The following GSE1 variants were observed in gnomAD, a reference collection of about 807,000 sequenced individuals.
GSE1 encodes genetic suppressor element 1.
GSE1 carries 32 observed loss-of-function variants against 112.6 expected under a neutral mutation model. The observed-to-expected ratio is 0.28, with a 90% confidence interval of 0.21 to 0.38. The LOEUF is 0.38. Ranked by LOEUF, GSE1 falls within the 10% of genes least tolerant of loss-of-function variation. The pLI, the probability that GSE1 is intolerant of heterozygous loss-of-function variation, is 1.00. For missense variants in GSE1, 2,348 were observed against 1,699.2 expected (o/e 1.38, Z -6.71); for synonymous variants, 1,115 against 735.6 (o/e 1.52, Z -8.35).
intron 1 of GSE1, among the ~76,000 whole-genome samples, chr16:85,566,462 T>G (rs2045751203): frequency 6.6e-6 from 1 of 152,242 alleles, no homozygotes; most frequent in African/African-American, 2.4e-5. Context: ...AAAGCCGAAC[T>G]GGGTGAACCC....
At chr16:85,175,441 G>A (rs982796853) in intron 1 of GSE1, among the ~76,000 whole-genome samples, 3 of 152,256 alleles carry the variant, frequency 2.0e-5, no homozygotes, top group African/African-American at 4.8e-5. Context: ...TCTTCATGCT[G>A]CTGGGAGTCG....
At chr16:85,337,548 G>A (rs867897360) in intron 1 of GSE1, among the ~76,000 whole-genome samples, 3 of 151,854 alleles carry the variant, frequency 2.0e-5, no homozygotes, top group East Asian at 1.9e-4. Context: ...CTCGTGATCC[G>A]CCCGCCTCGG....
intron 1 of GSE1, chr16:85,278,846 C>G (rs2044771137): frequency 1.5e-5 from 3 of 204,254 alleles, no homozygotes; most frequent in Non-Finnish European, 2.1e-5. Context: ...ACCAGCCTTC[C>G]TCATCTCCTC....
intron 2 of GSE1, among the ~76,000 whole-genome samples, chr16:85,378,106 G>A (rs570364214): frequency 8.5e-5 from 13 of 152,180 alleles, no homozygotes; most frequent in Admixed American, 1.3e-4. Context: ...GCCACCACCC[G>A]GTGCCAGGGC....
At chr16:85,314,103 C>G (rs959682603) in intron 1 of GSE1, among the ~76,000 whole-genome samples, 2 of 150,216 alleles carry the variant, frequency 1.3e-5, no homozygotes, top group Non-Finnish European at 3.0e-5. Flanking sequence ...TGACACAGCT[C>G]TGTGTGTGTG....
rs567991250 is a variant in GSE1, at chr16:85,596,383, C to T, written c.37+40020C>T. ...TAGACTCAAGCTTTCAGAGAGACTC[C>T]CATGACAGCAGCCGGGCACCTGGCT... On this transcript the variant is annotated intron_variant, in intron 1 of 2. Coordinates refer to the GSE1 transcript ENST00000635906. Among the ~76,000 whole-genome samples the T allele has an allele frequency of 3.9e-5, 6 of 152,302 alleles. No homozygotes were observed. The South Asian group carries it at 1.2e-3, about 32-fold the overall frequency.
At chr16:85,604,975 G>A (rs1248684777) in intron 1 of GSE1, among the ~76,000 whole-genome samples, 7 of 143,570 alleles carry the variant, frequency 4.9e-5, no homozygotes, top group African/African-American at 1.6e-4. Flanking sequence ...CCTCCACCAC[G>A]CCCGGCTAGT....
At chr16:85,639,219 G>T (rs1031626870) in intron 2 of GSE1, among the ~76,000 whole-genome samples, 1 of 152,194 alleles carries the variant, frequency 6.6e-6, no homozygotes, top group Non-Finnish European at 1.5e-5. Context: ...CCCTCCCTTC[G>T]ACGCAGCTGG....
At chr16:85,653,701 C>T (rs2051641969) in intron 3 of GSE1, among the ~76,000 whole-genome samples, 2 of 152,152 alleles carry the variant, frequency 1.3e-5, no homozygotes, top group Admixed American at 1.3e-4. Flanking sequence ...GCCAGGGCCA[C>T]CCCAGGAGGT....
intron 15 of GSE1, chr16:85,672,184 G>A: frequency 3.6e-6 from 2 of 549,820 alleles, no homozygotes; most frequent in Non-Finnish European, 6.8e-6. Context: ...TTTAGTAGAT[G>A]GGGTTTCCCC....
chr16:85,311,943 C>G lies in GSE1; in HGVS notation c.2284-45520C>G, dbSNP rs1259844600. Among the ~76,000 whole-genome samples, 1 of 152,170 alleles carries G rather than the reference C, an allele frequency of 6.6e-6. No individual in the cohort carries two copies. Among genetic ancestry groups the G allele is most frequent in the African/African-American group, 2.4e-5 (1 of 41,444 alleles). The stretch of plus-strand genomic sequence containing the variant: ...TCCGCCGGCCCAGCACTGCCCAGCC[C>G]CAGCCCCGCACCACTGTCCTCATGT... On this transcript the variant is annotated intron_variant, in intron 1 of 2. Coordinates refer to the GSE1 transcript ENST00000637419. The surrounding 1 kb of genome is among the most constrained non-coding windows in gnomAD (Gnocchi z 4.2).
intron 1 of GSE1, among the ~76,000 whole-genome samples, chr16:85,192,584 C>T (rs1053072376): frequency 6.6e-6 from 1 of 152,208 alleles, no homozygotes. Context: ...GCTTCTGCTG[C>T]CTCCATCCTG....
intron 11 of GSE1, 38 bp downstream of exon 11, chr16:85,663,652 G>T (rs115139549): frequency 6.3e-7 from 1 of 1,582,310 alleles, no homozygotes; most frequent in East Asian, 2.2e-5. Context: ...GGGGCTCACT[G>T]GGGTGGAAGT....
At chr16:85,527,597 A>C (rs1388929929) in intron 2 of GSE1, among the ~76,000 whole-genome samples, 2 of 152,256 alleles carry the variant, frequency 1.3e-5, no homozygotes, top group African/African-American at 4.8e-5. Context: ...AGGGGCTTGC[A>C]GCGGTGAATG....
chr16:85,663,141 TC>T (rs2151968288), intron 10 of GSE1, 48 bp downstream of exon 10: 1 of 1,369,956 alleles, frequency 7.3e-7, no homozygotes, highest in Non-Finnish European at 1.0e-6. Context: ...GGGCTCTCGT[TC>T]CTAGCGTCCA....
intron 3 of GSE1, among the ~76,000 whole-genome samples, chr16:85,649,141 C>T (rs1024945622): frequency 6.6e-6 from 1 of 152,178 alleles, no homozygotes; most frequent in African/African-American, 2.4e-5. Flanking sequence ...GTCCTGATCT[C>T]CTCTTCTCAT....
chr16:85,290,576 G>C (rs976738410), intron 1 of GSE1, among the ~76,000 whole-genome samples: 8 of 152,176 alleles, frequency 5.3e-5, no homozygotes, highest in Non-Finnish European at 8.8e-5. Context: ...CAAGGACGCA[G>C]ACCAAAATCC....
intron 8 of GSE1, chr16:85,659,468 G>A (rs1029202555): frequency 1.3e-5 from 2 of 152,286 alleles, no homozygotes; most frequent in African/African-American, 4.8e-5. Flanking sequence ...CGGCTGTAGT[G>A]TACTATACCC....
At chr16:85,573,139 C>G (rs1378492513) in intron 1 of GSE1, among the ~76,000 whole-genome samples, 2 of 152,224 alleles carry the variant, frequency 1.3e-5, no homozygotes, top group African/African-American at 4.8e-5. Flanking sequence ...GCTGGGATTA[C>G]AGGCTTGAGC....
Sources: gnomAD v4.1 joint callset for allele counts (sites outside exome capture counted in the v4.1 genomes callset) on GRCh38, gnomAD v4.1.1 for gene constraint, Gnocchi (gnomAD v3.1) non-coding constraint, MANE v1.5 for transcripts, NCBI Gene and HGNC (gene_info 2026-07-23, HGNC 2026-07-21) for gene names.